KLHL2: variants seen among roughly 807,000 people sequenced by gnomAD.
KLHL2 encodes kelch-like protein 2.
Under a neutral mutation model 75.8 loss-of-function variants are expected in KLHL2, and 15 were observed. The ratio of observed to expected loss-of-function variants is 0.20; its 90% CI spans 0.13 to 0.30. KLHL2 has a LOEUF of 0.30. KLHL2 is among the 10% of genes least tolerant of loss of function. The pLI, the probability that KLHL2 is intolerant of heterozygous loss-of-function variation, is 1.00. For missense variants in KLHL2, 381 were observed against 741.0 expected (o/e 0.51, Z 5.64); for synonymous variants, 214 against 251.9 (o/e 0.85, Z 1.42).
At chr4:165,269,961 A>C (rs1048050082) in intron 5 of KLHL2, among the ~76,000 whole-genome samples, 1 of 152,208 alleles carries the variant, frequency 6.6e-6, no homozygotes, top group African/African-American at 2.4e-5. Flanking sequence ...TACACCAATC[A>C]AACGTATATT....
chr4:165,279,749 T>G (rs1211817992), intron 5 of KLHL2: 41 of 870,924 alleles, frequency 4.7e-5, no homozygotes, highest in East Asian at 7.5e-5. Flanking sequence ...GCCGCGCGAG[T>G]CCGCTGAACT....
At chr4:165,301,271 C>T (rs1745329845) in intron 8 of KLHL2, among the ~76,000 whole-genome samples, 2 of 152,200 alleles carry the variant, frequency 1.3e-5, no homozygotes, top group South Asian at 4.2e-4. Flanking sequence ...TTTATTGGCC[C>T]CTAGAAGTTC....
At chr4:165,308,630 T>C (rs1745913575) in intron 9 of KLHL2, among the ~76,000 whole-genome samples, 1 of 152,190 alleles carries the variant, frequency 6.6e-6, no homozygotes, top group African/African-American at 2.4e-5. Context: ...TGACCTAAAA[T>C]TCTCTAAACC....
chr4:165,248,817 C>A (rs756895512), intron 4 of KLHL2, among the ~76,000 whole-genome samples: 11 of 152,020 alleles, frequency 7.2e-5, no homozygotes, highest in Non-Finnish European at 1.3e-4. Context: ...CAAAAGAATT[C>A]GAAAATTCAG....
chr4:165,297,109 GAGA>G (rs1744969358), intron 6 of KLHL2, among the ~76,000 whole-genome samples: 3 of 152,152 alleles, frequency 2.0e-5, no homozygotes, highest in African/African-American at 7.2e-5. Context: ...TTCATCAGTT[GAGA>G]AGAAAATTAT....
intron 2 of KLHL2, among the ~76,000 whole-genome samples, chr4:165,225,132 G>A (rs539888088): frequency 1.1e-4 from 17 of 152,118 alleles, no homozygotes; most frequent in Non-Finnish European, 2.5e-4. Context: ...GAGATGGAGT[G>A]CCTTTCTTTA....
Position 165,207,785 on chromosome 4 carries a change from G to C in KLHL2, c.-92G>C. On this transcript the variant is annotated 5_prime_UTR_variant, in exon 1 of 15. Transcript: ENST00000226725. The surrounding 1 kb of genome is among the most constrained non-coding windows in gnomAD (Gnocchi z 4.2). ...CCCCCTCCGGGGCGGATGGAACGCG[G>C]CTCGGCGGGCGGGCAGTGCCGGCGT... 8.5e-7 allele frequency: 1 copy of C among 1,178,082 alleles called. No homozygotes were observed. Among genetic ancestry groups the C allele is most frequent in the South Asian group, 1.6e-5 (1 of 63,666 alleles). The allele number at this position is 1,178,082 out of a possible 1,614,324, so 73.0% of individuals were successfully genotyped here. A position where few individuals can be genotyped will look rare whatever the true frequency, so the allele number is the denominator to read the frequency against.
At chr4:165,297,516 A>T (rs548835581) in intron 6 of KLHL2, 93 bp from the exon 7 acceptor site, 89 of 751,564 alleles carry the variant, frequency 1.2e-4, no homozygotes, top group Non-Finnish European at 1.9e-4. Context: ...TGTCTTAGCA[A>T]GAGTTATATA....
At chr4:165,278,804 G>A in intron 5 of KLHL2, 1 of 1,544,366 alleles carries the variant, frequency 6.5e-7, no homozygotes, top group Non-Finnish European at 9.0e-7. Context: ...GAAACATCCT[G>A]TTCCATACGT....
chr4:165,287,918 C>CT (rs1213406233), intron 5 of KLHL2, among the ~76,000 whole-genome samples: 3 of 152,056 alleles, frequency 2.0e-5, no homozygotes, highest in African/African-American at 7.2e-5. Context: ...GATATTAACT[C>CT]TTTGTCAGAT....
In KLHL2 at chr4:165,242,272, A is replaced by G. The variant is rs372988254; in HGVS notation, c.381+3373A>G. Among the ~76,000 whole-genome samples, 7 of 152,308 alleles carry G rather than the reference A, an allele frequency of 4.6e-5. 1 individual carries two copies. The East Asian group carries it at 7.7e-4, about 17-fold the overall frequency. ...TGCATAAATCTGGGAAATAGAGAAA[A>G]TACAGTCAAAGGCTATTGAAAAGTA... is the stretch of plus-strand genomic sequence containing the variant. On this transcript the variant is annotated intron_variant, in intron 4 of 14. Coordinates refer to ENST00000226725, the MANE Select transcript of KLHL2 (RefSeq NM_007246.4).
At chr4:165,216,474 A>G (rs1737551915) in intron 1 of KLHL2, among the ~76,000 whole-genome samples, 2 of 152,188 alleles carry the variant, frequency 1.3e-5, no homozygotes, top group South Asian at 2.1e-4. Flanking sequence ...TATCTTCTTC[A>G]GGTATTTTAA....
intron 6 of KLHL2, among the ~76,000 whole-genome samples, chr4:165,296,665 A>T (rs1486820426): frequency 6.6e-6 from 1 of 152,172 alleles, no homozygotes; most frequent in Non-Finnish European, 1.5e-5. Flanking sequence ...ACCAGTGAGC[A>T]GCAGGTTCCG....
intron 4 of KLHL2, among the ~76,000 whole-genome samples, chr4:165,249,479 T>G (rs34483868): frequency 1.5e-4 from 22 of 148,968 alleles, no homozygotes; most frequent in Admixed American, 2.7e-4. Context: ...TACTTCAAAG[T>G]GGTAATGGAA....
chr4:165,269,199 G>A lies in KLHL2; in HGVS notation c.544+5840G>A, dbSNP rs138945474. 8.8e-3 allele frequency among the ~76,000 whole-genome samples: 1,337 copies of A among 151,998 alleles called. 16 individuals carry two copies. The highest frequency in any genetic ancestry group is 0.029 in the African/African-American group (1,184 of 41,434). On this transcript the variant is annotated intron_variant, in intron 5 of 14. Transcript: ENST00000226725. ...CTCCATCCCTTTATTTTGAGCCTGTGTGTGTCTTTGCATGTGAGATGGGTC... is the reference window on the plus strand; with the variant it reads ...CTCCATCCCTTTATTTTGAGCCTGTATGTGTCTTTGCATGTGAGATGGGTC...
chr4:165,226,262 C>T (rs9996084), intron 2 of KLHL2, among the ~76,000 whole-genome samples: 5,763 of 152,198 alleles, frequency 0.038, 181 homozygotes, highest in East Asian at 0.1. Flanking sequence ...AGAGTTTCTT[C>T]GCTCCCACCC....
chr4:165,282,127 C>T (rs1339860405), intron 5 of KLHL2, among the ~76,000 whole-genome samples: 1 of 152,152 alleles, frequency 6.6e-6, no homozygotes, highest in Admixed American at 6.5e-5. Flanking sequence ...GTGAATGAAG[C>T]AAGATCATAG....
chr4:165,317,915 A>T lies in KLHL2; in HGVS notation c.1699A>T (p.Thr567Ser). The T allele has an allele frequency of 6.2e-7, 1 of 1,613,990 alleles. No individual in the cohort carries two copies. The highest frequency in any genetic ancestry group is 8.5e-7 in the Non-Finnish European group (1 of 1,179,914). Residue 567 changes from threonine (T) to serine (S), a missense_variant, in exon 14 of 15, where the codon ACC becomes TCC. Thr to Ser is a moderately conservative substitution (Grantham distance 58). Transcript: ENST00000226725. Reference protein sequence around the residue: ...LASVEYYNPTTDKWTVVSSCM... With the variant: ...LASVEYYNPTSDKWTVVSSCM... The stretch of plus-strand genomic sequence containing the variant: ...GTCAGTAGAATATTATAACCCAACA[A>T]CCGATAAATGGACAGTTGTGTCATC...
Position 165,210,705 on chromosome 4 carries a change from G to A in KLHL2, c.26+2803G>A, listed in dbSNP as rs543866382. Among the ~76,000 whole-genome samples, 7 of 152,306 alleles carry A rather than the reference G, an allele frequency of 4.6e-5. No individual in the cohort carries two copies. In the South Asian group the frequency reaches 1.4e-3, roughly 32 times the overall value. ...GATGTAGATTAGTAAAGGAATTTCA[G>A]ATGGTAAACTGAGATGTGCAAAAGG... is the stretch of plus-strand genomic sequence containing the variant. On this transcript the variant is annotated intron_variant, in intron 1 of 14. Transcript: ENST00000226725.
Sources: allele counts gnomAD v4.1 joint callset (sites outside exome capture counted in the v4.1 genomes callset), GRCh38; gene constraint gnomAD v4.1.1; non-coding constraint Gnocchi (gnomAD v3.1); transcripts MANE v1.5; gene names NCBI Gene and HGNC (gene_info 2026-07-23, HGNC 2026-07-21).